Variants in AGBL4 observed in about 807,000 individuals in gnomAD.
AGBL4 encodes the protein AGBL carboxypeptidase 4, also known as cytosolic carboxypeptidase 6.
In AGBL4, 58 loss-of-function variants were observed where a neutral mutation model predicts 66.4. That is an observed-to-expected ratio of 0.87 (90% CI 0.71 to 1.09). The LOEUF is 1.09. AGBL4 is among the 50% of genes least tolerant of loss of function. AGBL4 has a pLI of 0.00. For synonymous variants in AGBL4, 234 were observed against 222.9 expected (o/e 1.05, Z -0.44); for missense variants, 579 against 631.0 (o/e 0.92, Z 0.88).
chr1:49,272,992 T>A (rs1028073711), intron 3 of AGBL4, among the ~76,000 whole-genome samples: 2 of 152,228 alleles, frequency 1.3e-5, no homozygotes, highest in African/African-American at 4.8e-5. Context: ...ACTAGATGTT[T>A]TAAAGTTATA....
At chr1:49,536,155 T>C (rs2148818997) in intron 3 of AGBL4, among the ~76,000 whole-genome samples, 2 of 152,316 alleles carry the variant, frequency 1.3e-5, no homozygotes, top group South Asian at 2.1e-4. Context: ...CCTTAAGCTA[T>C]AGGACAATTT....
At chr1:49,076,748 C>T (rs1644716808) in intron 4 of AGBL4, among the ~76,000 whole-genome samples, 1 of 152,104 alleles carries the variant, frequency 6.6e-6, no homozygotes, top group African/African-American at 2.4e-5. Flanking sequence ...ACACAAATAC[C>T]TAAATTGTGG....
At chr1:49,553,395 A>T (rs943752316) in intron 3 of AGBL4, among the ~76,000 whole-genome samples, 1 of 152,228 alleles carries the variant, frequency 6.6e-6, no homozygotes, top group Non-Finnish European at 1.5e-5. Context: ...TTCTTCACTT[A>T]CATTTCTTAT....
intron 3 of AGBL4, among the ~76,000 whole-genome samples, chr1:49,417,146 T>C (rs1645444234): frequency 6.6e-6 from 1 of 152,042 alleles, no homozygotes; most frequent in African/African-American, 2.4e-5. Flanking sequence ...ACAAGTGTCA[T>C]AGGCTATGAT....
chr1:49,303,721 C>G (rs1321457840), intron 3 of AGBL4, among the ~76,000 whole-genome samples: 1 of 152,070 alleles, frequency 6.6e-6, no homozygotes, highest in East Asian at 1.9e-4. Context: ...AGTGATCCAC[C>G]CGCCTCGGCC....
intron 8 of AGBL4, among the ~76,000 whole-genome samples, chr1:48,637,977 T>C (rs754805721): frequency 3.3e-5 from 5 of 152,166 alleles, no homozygotes; most frequent in Non-Finnish European, 5.9e-5. Context: ...GAAAGGTACA[T>C]TACCCTTGAC....
At chr1:49,054,336 T>C (rs1644272350) in intron 4 of AGBL4, among the ~76,000 whole-genome samples, 1 of 152,058 alleles carries the variant, frequency 6.6e-6, no homozygotes, top group South Asian at 2.1e-4. Context: ...AAATTAATTC[T>C]ATTGAAGCTA....
chr1:49,235,853 G>A (rs1215804747), intron 4 of AGBL4, among the ~76,000 whole-genome samples: 1 of 152,066 alleles, frequency 6.6e-6, no homozygotes, highest in Non-Finnish European at 1.5e-5. Flanking sequence ...GAGAGGTTAA[G>A]TTACCTTACT....
chr1:49,099,706 AG>A (rs1427929893), intron 4 of AGBL4, among the ~76,000 whole-genome samples: 1 of 152,088 alleles, frequency 6.6e-6, no homozygotes, highest in Non-Finnish European at 1.5e-5. Flanking sequence ...ATACCTTCAG[AG>A]CAAAAGTGGG....
rs1008197295 is a variant in AGBL4 at position 49,139,906 on chromosome 1, G to C, written c.378-94106C>G. Among the ~76,000 whole-genome samples, 3 of 152,060 alleles carry C rather than the reference G, an allele frequency of 2.0e-5. No individual in the cohort carries two copies. In the South Asian group the frequency reaches 6.2e-4, roughly 32 times the overall value. On this transcript the variant is annotated intron_variant, in intron 4 of 13. Coordinates refer to ENST00000371839, the MANE Select transcript of AGBL4 (RefSeq NM_032785.4). Reference sequence around the variant, plus strand: ...GCATTTGGTTATAGGTTATAACCTTGTCTGTTTTTGCTTACTGTCTCCTTC... The same window carrying C: ...GCATTTGGTTATAGGTTATAACCTTCTCTGTTTTTGCTTACTGTCTCCTTC...
At chr1:49,682,673 AG>A (rs1233078874) in intron 3 of AGBL4, among the ~76,000 whole-genome samples, 1 of 152,236 alleles carries the variant, frequency 6.6e-6, no homozygotes, top group East Asian at 1.9e-4. Context: ...TGACCTGTGC[AG>A]CTGCACAGGG....
intron 3 of AGBL4, among the ~76,000 whole-genome samples, chr1:49,337,656 T>C (rs527343506): frequency 6.6e-6 from 1 of 152,250 alleles, no homozygotes; most frequent in African/African-American, 2.4e-5. Context: ...GAAAAGTGAA[T>C]CCCCCAGGGC....
chr1:48,898,331 G>T (rs1468016551), intron 5 of AGBL4, among the ~76,000 whole-genome samples: 1 of 152,100 alleles, frequency 6.6e-6, no homozygotes, highest in Non-Finnish European at 1.5e-5. Flanking sequence ...GTCTGTTTTT[G>T]CTTTGTTGTC....
chr1:49,713,462 T>C (rs1252064794), intron 2 of AGBL4, among the ~76,000 whole-genome samples: 1 of 152,086 alleles, frequency 6.6e-6, no homozygotes, highest in Non-Finnish European at 1.5e-5. Context: ...TTTAATGTTT[T>C]ATAAGTATCA....
chr1:49,904,273 C>T (rs1650053913), intron 1 of AGBL4, among the ~76,000 whole-genome samples: 1 of 152,110 alleles, frequency 6.6e-6, no homozygotes. Context: ...CCACCAACAT[C>T]CTATACAATG....
chr1:49,835,907 T>C (rs896632682), intron 2 of AGBL4, among the ~76,000 whole-genome samples: 1 of 152,214 alleles, frequency 6.6e-6, no homozygotes, highest in Non-Finnish European at 1.5e-5. Context: ...GCCCCCACCC[T>C]CTTCTGGTTC....
chr1:48,744,639 GC>G (rs1212753256), intron 6 of AGBL4, among the ~76,000 whole-genome samples: 1 of 152,176 alleles, frequency 6.6e-6, no homozygotes, highest in Non-Finnish European at 1.5e-5. Flanking sequence ...ATCCAGTACA[GC>G]CGTAACTTCA....
chr1:49,749,484 A>G (rs992886645), intron 2 of AGBL4, among the ~76,000 whole-genome samples: 1 of 152,222 alleles, frequency 6.6e-6, no homozygotes, highest in South Asian at 2.1e-4. Context: ...TGCTATTTAC[A>G]TAGATTTTTC....
chr1:49,698,227 A>G (rs577570038), intron 2 of AGBL4, among the ~76,000 whole-genome samples: 1,694 of 152,242 alleles, frequency 0.011, 27 homozygotes, highest in African/African-American at 0.039. Context: ...ACTTTAGACA[A>G]TTCACTTAAC....
Sources: gnomAD v4.1 joint callset for allele counts (sites outside exome capture counted in the v4.1 genomes callset) on GRCh38, gnomAD v4.1.1 for gene constraint, MANE v1.5 for transcripts, NCBI Gene and HGNC (gene_info 2026-07-23, HGNC 2026-07-21) for gene names.